Variants in SH3D19 observed in about 807,000 individuals in gnomAD.
SH3D19 encodes SH3 domain-containing protein 19.
SH3D19 carries 58 observed loss-of-function variants against 112.1 expected under a neutral mutation model. The observed-to-expected ratio is 0.52, with a 90% confidence interval of 0.42 to 0.64. The LOEUF (loss-of-function observed/expected upper bound fraction) is 0.64. Ranked by LOEUF, SH3D19 falls within the 30% of genes least tolerant of loss-of-function variation. The pLI is 0.00. For missense variants in SH3D19, 1,090 were observed against 1,263.4 expected (o/e 0.86, Z 2.08); for synonymous variants, 391 against 448.5 (o/e 0.87, Z 1.62).
intron 4 of SH3D19, among the ~76,000 whole-genome samples, chr4:151,178,662 C>T (rs1193868480): frequency 2.0e-5 from 3 of 152,084 alleles, no homozygotes; most frequent in Non-Finnish European, 4.4e-5. Flanking sequence ...AGGAAAGTGG[C>T]GGTCAGGATT....
chr4:151,287,603 T>C (rs1165769434), intron 1 of SH3D19, among the ~76,000 whole-genome samples: 1 of 152,122 alleles, frequency 6.6e-6, no homozygotes, highest in Non-Finnish European at 1.5e-5. Flanking sequence ...AATGGGTATG[T>C]GGGTTCTTTT....
chr4:151,154,128 ATTTTTTTTTTT>A (rs547926242), intron 9 of SH3D19, among the ~76,000 whole-genome samples: 2 of 108,698 alleles, frequency 1.8e-5, no homozygotes, highest in African/African-American at 6.3e-5. Context: ...CACCCGGCTG[ATTTTTTTTTTT>A]TTTTTTTTGT....
chr4:151,180,270 A>G (rs1425523007), intron 3 of SH3D19, among the ~76,000 whole-genome samples: 7 of 152,230 alleles, frequency 4.6e-5, no homozygotes, highest in African/African-American at 9.6e-5. Flanking sequence ...TTGTATATGC[A>G]GCACTGACTT....
At chr4:151,300,128 G>A (rs1728234743) in intron 1 of SH3D19, among the ~76,000 whole-genome samples, 3 of 152,032 alleles carry the variant, frequency 2.0e-5, no homozygotes, top group Admixed American at 2.0e-4. Context: ...TTGAACCCAG[G>A]AGGCGGAGGT....
intron 2 of SH3D19, among the ~76,000 whole-genome samples, chr4:151,217,900 CAG>C (rs1767386969): frequency 6.6e-6 from 1 of 152,040 alleles, no homozygotes; most frequent in South Asian, 2.1e-4. Flanking sequence ...GTCAAATTGA[CAG>C]AAACACATAT....
intron 1 of SH3D19, among the ~76,000 whole-genome samples, chr4:151,314,949 T>C (rs1729847928): frequency 6.6e-6 from 1 of 152,152 alleles, no homozygotes; most frequent in Admixed American, 6.5e-5. Flanking sequence ...GAACCCCCTT[T>C]AAAGAACTTT....
chr4:151,264,119 T>C (rs1336682210), intron 1 of SH3D19, among the ~76,000 whole-genome samples: 1 of 152,122 alleles, frequency 6.6e-6, no homozygotes, highest in East Asian at 1.9e-4. Context: ...ACAGTCTTTT[T>C]ATAACCTAAT....
At chr4:151,134,812 G>A (rs1751468453) in intron 15 of SH3D19, among the ~76,000 whole-genome samples, 1 of 152,174 alleles carries the variant, frequency 6.6e-6, no homozygotes, top group Non-Finnish European at 1.5e-5. Flanking sequence ...GACACGATGA[G>A]AATCTGAATT....
At chr4:151,321,771 T>A (rs527974425) in intron 1 of SH3D19, among the ~76,000 whole-genome samples, 3 of 152,336 alleles carry the variant, frequency 2.0e-5, no homozygotes, top group Non-Finnish European at 4.4e-5. Context: ...ATGAAAATTA[T>A]CAGGCCCTAT....
intron 2 of SH3D19, among the ~76,000 whole-genome samples, chr4:151,223,533 G>A (rs778013074): frequency 2.6e-5 from 4 of 151,978 alleles, no homozygotes; most frequent in Admixed American, 6.6e-5. Flanking sequence ...CCCAGAATCC[G>A]CCATTCCTCC....
At chr4:151,167,995 CAACATTAAACT>C (rs1398112229) in intron 7 of SH3D19, among the ~76,000 whole-genome samples, 14 of 152,318 alleles carry the variant, frequency 9.2e-5, no homozygotes, top group Non-Finnish European at 1.5e-5. Flanking sequence ...TTTGCATTTT[CAACATTAAACT>C]TTACTTTTTA....
intron 19 of SH3D19, among the ~76,000 whole-genome samples, chr4:151,125,967 GAATAAAGTAAAACCCCATCACAA>G (rs1749227187): frequency 6.6e-6 from 1 of 150,680 alleles, no homozygotes; most frequent in African/African-American, 2.4e-5. Flanking sequence ...TTATTATTCA[GAATAAAGTAAAACCCCATCACAA>G]AATAGGAAGT....
At chr4:151,281,834 G>C (rs1774264562) in intron 1 of SH3D19, among the ~76,000 whole-genome samples, 1 of 152,100 alleles carries the variant, frequency 6.6e-6, no homozygotes, top group African/African-American at 2.4e-5. Context: ...AAACAGCAAT[G>C]TCTATTAAGC....
At chr4:151,323,040 T>C (rs1484000996) in intron 1 of SH3D19, among the ~76,000 whole-genome samples, 1 of 152,172 alleles carries the variant, frequency 6.6e-6, no homozygotes, top group Admixed American at 6.6e-5. Context: ...ACTGACTATA[T>C]CCTATTTCTT....
intron 7 of SH3D19, chr4:151,166,141 T>G (rs1325991491): frequency 6.5e-6 from 1 of 154,432 alleles, no homozygotes; most frequent in Non-Finnish European, 1.4e-5. Context: ...CCCTACCCAG[T>G]GCTGTGCCTG....
chr4:151,153,137 A>G (rs1755385863), intron 9 of SH3D19, among the ~76,000 whole-genome samples: 1 of 152,034 alleles, frequency 6.6e-6, no homozygotes, highest in Non-Finnish European at 1.5e-5. Context: ...CCCAGCTGCT[A>G]TATTTTTTTA....
At chr4:151,256,886 A>G (rs1021995757) in intron 1 of SH3D19, among the ~76,000 whole-genome samples, 3 of 151,450 alleles carry the variant, frequency 2.0e-5, no homozygotes, top group East Asian at 3.9e-4. Context: ...GATTACAGGC[A>G]TGTGCCACCA....
intron 1 of SH3D19, among the ~76,000 whole-genome samples, chr4:151,320,299 TG>T (rs1730409591): frequency 6.6e-6 from 1 of 152,206 alleles, no homozygotes; most frequent in African/African-American, 2.4e-5. Flanking sequence ...TCCAGAATCT[TG>T]TATATCCTCC....
At position 151,236,372 on chromosome 4, in the gene SH3D19, T is replaced by G. The variant is rs568679624; in HGVS notation, c.113-10286A>C. On this transcript the variant is annotated intron_variant, in intron 1 of 19. Transcript: ENST00000604030. Reference sequence around the variant, plus strand: ...GGGCTTGATTGGGGGATGAGCTCCCTCTGGGCTGCCGGAGTGCCCGGGCTA... The same window carrying G: ...GGGCTTGATTGGGGGATGAGCTCCCGCTGGGCTGCCGGAGTGCCCGGGCTA... Among the ~76,000 whole-genome samples the G allele has an allele frequency of 3.9e-5, 6 of 152,366 alleles. No homozygotes were observed. The South Asian group carries it at 1.2e-3, about 32-fold the overall frequency.
Sources: allele counts gnomAD v4.1 joint callset (sites outside exome capture counted in the v4.1 genomes callset), GRCh38; gene constraint gnomAD v4.1.1; transcripts MANE v1.5; gene names NCBI Gene and HGNC (gene_info 2026-07-23, HGNC 2026-07-21).